AKR1E2: variants seen among roughly 807,000 people sequenced by gnomAD.
AKR1E2 encodes the protein aldo-keto reductase family 1 member E2, also known as 1,5-anhydro-D-fructose reductase.
In AKR1E2, 43 loss-of-function variants were observed where a neutral mutation model predicts 41.9. The observed-to-expected ratio is 1.03, with a 90% confidence interval of 0.80 to 1.32. The LOEUF is 1.32. Among genes scored for constraint, AKR1E2 ranks in the 40% most tolerant of loss-of-function variants. AKR1E2 has a pLI of 0.00. For missense variants in AKR1E2, 423 were observed against 396.5 expected (o/e 1.07, Z -0.57); for synonymous variants, 121 against 138.9 (o/e 0.87, Z 0.91).
the AKR1E2 span, among the ~76,000 whole-genome samples, chr10:4,861,599 C>A: frequency 6.6e-6 from 1 of 152,062 alleles, no homozygotes; most frequent in Non-Finnish European, 1.5e-5. Flanking sequence ...AAACTCCTGA[C>A]CTCAAGTGAT....
chr10:4,835,115 C>T (rs1220695933), intron 3 of AKR1E2, among the ~76,000 whole-genome samples: 3 of 152,216 alleles, frequency 2.0e-5, no homozygotes, highest in Non-Finnish European at 4.4e-5. Flanking sequence ...TAACATGCTA[C>T]GTGGGAGTAC....
chr10:4,847,433 C>T (rs1834414153), intron 9 of AKR1E2, 55 bp from the exon 10 acceptor site: 1 of 1,594,536 alleles, frequency 6.3e-7, no homozygotes, highest in Non-Finnish European at 8.6e-7. Flanking sequence ...AAATGTTTCT[C>T]TTAAAAAATA....
At chr10:4,828,027 C>A (rs1200220338) in intron 1 of AKR1E2, among the ~76,000 whole-genome samples, 1 of 152,182 alleles carries the variant, frequency 6.6e-6, no homozygotes, top group Non-Finnish European at 1.5e-5. Flanking sequence ...CATCACTGGT[C>A]TATGCAAAGG....
the AKR1E2 span, among the ~76,000 whole-genome samples, chr10:4,857,248 A>G: frequency 2.0e-5 from 3 of 152,188 alleles, no homozygotes; most frequent in African/African-American, 7.2e-5. Flanking sequence ...CTCATGTTCA[A>G]TTGTAATCCC....
chr10:4,859,887 T>C, the AKR1E2 span, among the ~76,000 whole-genome samples: 19 of 152,218 alleles, frequency 1.2e-4, no homozygotes, highest in African/African-American at 4.6e-4. Flanking sequence ...ACTCCATGCA[T>C]GTGCAGGTGC....
At chr10:4,858,823 A>ATTT in the AKR1E2 span, among the ~76,000 whole-genome samples, 910 of 131,960 alleles carry the variant, frequency 6.9e-3, 8 homozygotes, top group African/African-American at 0.024. Flanking sequence ...AGGAATTTGG[A>ATTT]TTTTTTTTTT....
At chr10:4,825,956 T>C (rs1171505552), upstream of AKR1E2, among the ~76,000 whole-genome samples, 2 of 152,170 alleles carry the variant, frequency 1.3e-5, no homozygotes, top group Non-Finnish European at 1.5e-5. Context: ...TGCCAGCCGA[T>C]TGTAAAACCT....
intron 2 of AKR1E2, among the ~76,000 whole-genome samples, chr10:4,831,187 G>A (rs1832940875): frequency 6.6e-6 from 1 of 152,194 alleles, no homozygotes; most frequent in Admixed American, 6.5e-5. Flanking sequence ...TCACTGGGGT[G>A]ATTGTTAAAT....
chr10:4,825,103 T>A (rs1832376206), upstream of AKR1E2: 1 of 436,156 alleles, frequency 2.3e-6, no homozygotes, highest in Admixed American at 2.4e-5. Context: ...CCTTCCCACC[T>A]GTGAGGAGCT....
intron 1 of AKR1E2, among the ~76,000 whole-genome samples, chr10:4,828,343 G>A (rs914519813): frequency 6.6e-6 from 1 of 152,212 alleles, no homozygotes; most frequent in Non-Finnish European, 1.5e-5. Flanking sequence ...GATGTCTGGA[G>A]ACCTCAGCCT....
chr10:4,856,335 C>T, the AKR1E2 span, among the ~76,000 whole-genome samples: 1 of 152,262 alleles, frequency 6.6e-6, no homozygotes, highest in East Asian at 1.9e-4. Flanking sequence ...GGGGTATTAT[C>T]TAGCTTTTTG....
At chr10:4,833,299 C>T in intron 2 of AKR1E2, 51 bp from the exon 3 acceptor site, 3 of 1,430,172 alleles carry the variant, frequency 2.1e-6, no homozygotes, top group Non-Finnish European at 3.0e-6. Flanking sequence ...GAATGGGTGC[C>T]ATGCTGGCTC....
At chr10:4,871,074 GAT>G in the AKR1E2 span, among the ~76,000 whole-genome samples, 1 of 151,802 alleles carries the variant, frequency 6.6e-6, no homozygotes, top group African/African-American at 2.4e-5. Flanking sequence ...TTATGCTATT[GAT>G]TCCATTGATT....
chr10:4,871,703 G>T, the AKR1E2 span, among the ~76,000 whole-genome samples: 1 of 151,852 alleles, frequency 6.6e-6, no homozygotes, highest in African/African-American at 2.4e-5. Flanking sequence ...CAGTTGTGGG[G>T]GTGGGGTGGG....
At chr10:4,833,867 T>C (rs1833181600) in intron 3 of AKR1E2, among the ~76,000 whole-genome samples, 1 of 152,222 alleles carries the variant, frequency 6.6e-6, no homozygotes, top group South Asian at 2.1e-4. Context: ...AAATGCTGTT[T>C]TGCAATATGG....
Position 4,826,349 on chromosome 10 carries a change from C to T in AKR1E2, c.25C>T (p.Leu9Phe), listed in dbSNP as rs1300881131. Residue 9 changes from leucine to phenylalanine, a missense_variant, in exon 1 of 10, where the codon CTC becomes TTC. Transcript: ENST00000298375. MGDIPAVG[L>F]SSWKASPGKV... is the part of the protein sequence containing the mutation. ...CATGGGAGATATCCCAGCCGTGGGC[C>T]TCAGCTCCTGGAAGGTGACGCGGTC... 1 of 1,234,868 alleles carries T rather than the reference C, an allele frequency of 8.1e-7. No homozygotes were observed. The highest frequency in any genetic ancestry group is 1.6e-5 in the African/African-American group (1 of 64,302). 76.5% of individuals were successfully genotyped at this position (1,234,868 alleles called of 1,614,324 possible). A position where few individuals can be genotyped will look rare whatever the true frequency, so the allele number is the denominator to read the frequency against.
At chr10:4,852,516 A>G (rs1834547821), downstream of AKR1E2, among the ~76,000 whole-genome samples, 1 of 152,214 alleles carries the variant, frequency 6.6e-6, no homozygotes, top group Non-Finnish European at 1.5e-5. Flanking sequence ...ACCGTTAGCT[A>G]GAGACTACCC....
At chr10:4,837,337 T>C (rs1833506608) in intron 4 of AKR1E2, 122 bp from the exon 5 acceptor site, 2 of 1,365,284 alleles carry the variant, frequency 1.5e-6, no homozygotes, top group Non-Finnish European at 2.0e-6. Context: ...AAGCTTCAAG[T>C]AAAATATTGT....
chr10:4,859,496 G>A, the AKR1E2 span, among the ~76,000 whole-genome samples: 6 of 152,194 alleles, frequency 3.9e-5, no homozygotes, highest in Admixed American at 1.3e-4. Context: ...ATGAGGCCTG[G>A]AAGAACACTA....
Sources: allele counts gnomAD v4.1 joint callset (sites outside exome capture counted in the v4.1 genomes callset), GRCh38; gene constraint gnomAD v4.1.1; transcripts MANE v1.5; gene names NCBI Gene and HGNC (gene_info 2026-07-23, HGNC 2026-07-21).